ATP2C1: variants seen among roughly 807,000 people sequenced by gnomAD.
ATP2C1 encodes calcium-transporting ATPase type 2C member 1.
Under a neutral mutation model 120.5 loss-of-function variants are expected in ATP2C1, and 31 were observed. The ratio of observed to expected loss-of-function variants is 0.26; its 90% confidence interval spans 0.19 to 0.35. The LOEUF (loss-of-function observed/expected upper bound fraction) is 0.35. ATP2C1 is among the 10% of genes least tolerant of loss of function. ATP2C1 has a pLI of 1.00. For missense variants in ATP2C1, 731 were observed against 1,107.5 expected (o/e 0.66, Z 4.83); for synonymous variants, 351 against 358.7 (o/e 0.98, Z 0.24).
chr3:131,007,670 A>AGTAG (rs2063165864), downstream of ATP2C1, among the ~76,000 whole-genome samples: 1 of 152,314 alleles, frequency 6.6e-6, no homozygotes, highest in African/African-American at 2.4e-5. Flanking sequence ...ACATTAAAGA[A>AGTAG]CTTTCTATTA....
At chr3:130,896,395 GT>G (rs1285252954) in intron 2 of ATP2C1, among the ~76,000 whole-genome samples, 3 of 152,262 alleles carry the variant, frequency 2.0e-5, no homozygotes, top group South Asian at 4.1e-4. Flanking sequence ...AGATTATACA[GT>G]TCTTAAAAAC....
chr3:130,860,182 A>G lies in ATP2C1; in HGVS notation c.108+9254A>G, dbSNP rs148796490. On this transcript the variant is annotated intron_variant, in intron 1 of 26. Transcript: ENST00000504381. ...CAGTGTAGCTTTTTTAAAGATTCCT[A>G]AATTTGCTATCCCATTCCATGTTTT... is the stretch of plus-strand genomic sequence containing the variant. 2.4e-3 allele frequency among the ~76,000 whole-genome samples: 372 copies of G among 152,376 alleles called. 3 individuals are homozygous for G. Among genetic ancestry groups the G allele is most frequent in the African/African-American group, 8.3e-3 (346 of 41,592 alleles).
At chr3:131,016,083 G>T in intron 26 of ATP2C1, 27 of 1,506,756 alleles carry the variant, frequency 1.8e-5, no homozygotes, top group African/African-American at 4.2e-5. Context: ...AAATATAAGT[G>T]AAAATACTGT....
intron 1 of ATP2C1, among the ~76,000 whole-genome samples, chr3:130,877,120 T>C (rs567972701): frequency 6.6e-6 from 1 of 152,190 alleles, no homozygotes; most frequent in African/African-American, 2.4e-5. Flanking sequence ...CCTAATCTAT[T>C]TTGTCTGATA....
intron 2 of ATP2C1, chr3:130,918,937 A>G: frequency 2.9e-6 from 1 of 342,056 alleles, no homozygotes; most frequent in Middle Eastern, 1.0e-3. Context: ...GCTTACCGTG[A>G]GCCTAGATCG....
intron 2 of ATP2C1, among the ~76,000 whole-genome samples, chr3:130,912,302 A>C (rs2058460916): frequency 1.3e-5 from 2 of 149,400 alleles, no homozygotes; most frequent in Non-Finnish European, 3.0e-5. Flanking sequence ...AACTACCATC[A>C]GAGTGAACAG....
chr3:130,863,127 T>C (rs1487726178), intron 1 of ATP2C1, among the ~76,000 whole-genome samples: 1 of 151,682 alleles, frequency 6.6e-6, no homozygotes, highest in Admixed American at 6.6e-5. Flanking sequence ...TACACAAGAG[T>C]CCATGCCATA....
At chr3:130,992,060 A>C (rs1015752598) in intron 20 of ATP2C1, among the ~76,000 whole-genome samples, 8 of 152,212 alleles carry the variant, frequency 5.3e-5, no homozygotes, top group Non-Finnish European at 8.8e-5. Context: ...GGCAGAAGTT[A>C]AAATCATTGT....
At chr3:130,923,655 G>A (rs1440744797) in intron 2 of ATP2C1, among the ~76,000 whole-genome samples, 2 of 151,756 alleles carry the variant, frequency 1.3e-5, no homozygotes, top group Middle Eastern at 3.2e-3. Flanking sequence ...ATTGCTTGAG[G>A]TCAGGAGTTC....
At chr3:130,971,368 C>G (rs1056681636) in intron 17 of ATP2C1, among the ~76,000 whole-genome samples, 1 of 152,114 alleles carries the variant, frequency 6.6e-6, no homozygotes, top group African/African-American at 2.4e-5. Flanking sequence ...CTGAAGAGTT[C>G]CTCTTGCAAG....
chr3:130,964,952 C>T lies in ATP2C1; in HGVS notation c.1029C>T (p.Cys343=). The change falls in exon 14 of 28, where the codon TGC becomes TGT. Residue 343 remains cysteine (C), a synonymous_variant. Coordinates refer to ENST00000510168, the MANE Select transcript of ATP2C1 (RefSeq NM_001378687.1). ...KKLPIVETLG[C]CNVICSDKTG... ...TGTAATGATTTAATTCTTTAGGCTGCTGTAATGTGATTTGTTCAGATAAAA... is the reference window on the plus strand; with the variant it reads ...TGTAATGATTTAATTCTTTAGGCTGTTGTAATGTGATTTGTTCAGATAAAA... 6.2e-7 allele frequency: 1 copy of T among 1,607,642 alleles called. No homozygotes were observed. Among genetic ancestry groups the T allele is most frequent in the Non-Finnish European group, 8.5e-7 (1 of 1,175,064 alleles).
chr3:130,994,984 T>G (rs1331962710), intron 22 of ATP2C1, among the ~76,000 whole-genome samples: 1 of 152,250 alleles, frequency 6.6e-6, no homozygotes, highest in Admixed American at 6.5e-5. Flanking sequence ...ATCTACTTGA[T>G]GTGCAGGAGC....
chr3:130,956,384 T>A (rs1235924402), intron 11 of ATP2C1, among the ~76,000 whole-genome samples: 1 of 152,130 alleles, frequency 6.6e-6, no homozygotes, highest in Non-Finnish European at 1.5e-5. Flanking sequence ...AAAATATTTC[T>A]TGAAACATTT....
rs150008622 is a variant in ATP2C1, at chr3:130,983,006, G to C, written c.1839+2327G>C. Among the ~76,000 whole-genome samples the C allele has an allele frequency of 2.0e-3, 306 of 152,134 alleles. 2 individuals are homozygous for C. The highest frequency in any genetic ancestry group is 2.5e-3 in the Non-Finnish European group (167 of 67,976). On this transcript the variant is annotated intron_variant, in intron 20 of 27. Transcript: ENST00000510168. ...CATTTTACATAACTTTGGCATTTCTGAAATCAATTATTATTAGAAAACATG... is the reference window on the plus strand; with the variant it reads ...CATTTTACATAACTTTGGCATTTCTCAAATCAATTATTATTAGAAAACATG...
intron 1 of ATP2C1, chr3:130,868,604 C>T (rs1576549350): frequency 1.8e-5 from 1 of 54,496 alleles, no homozygotes; most frequent in East Asian, 5.2e-4. Context: ...AGGGGCGCCT[C>T]TGCCCGGCCG....
chr3:130,907,342 T>C (rs1265606333), intron 2 of ATP2C1, among the ~76,000 whole-genome samples: 1 of 152,112 alleles, frequency 6.6e-6, no homozygotes, highest in Non-Finnish European at 1.5e-5. Context: ...TTATTGTTTG[T>C]GCTTTATATA....
intron 22 of ATP2C1, among the ~76,000 whole-genome samples, chr3:130,994,415 A>G (rs541218982): frequency 6.3e-4 from 96 of 152,312 alleles, no homozygotes; most frequent in African/African-American, 1.9e-3. Context: ...AGAAATATGC[A>G]TATGTATGGC....
intron 17 of ATP2C1, among the ~76,000 whole-genome samples, chr3:130,974,817 G>A (rs571004590): frequency 2.0e-5 from 3 of 152,258 alleles, no homozygotes; most frequent in African/African-American, 7.2e-5. Context: ...TTGCTTCCAT[G>A]GAGTAGGACT....
chr3:130,871,237 C>T (rs2068418710), intron 1 of ATP2C1, among the ~76,000 whole-genome samples: 1 of 152,196 alleles, frequency 6.6e-6, no homozygotes, highest in African/African-American at 2.4e-5. Context: ...GTGGTGGTCT[C>T]AAACCAAGCT....
Sources: gnomAD v4.1 joint callset for allele counts (sites outside exome capture counted in the v4.1 genomes callset) on GRCh38, gnomAD v4.1.1 for gene constraint, MANE v1.5 for transcripts, NCBI Gene and HGNC (gene_info 2026-07-23, HGNC 2026-07-21) for gene names.